The following PML variants were observed in gnomAD, a reference collection of about 807,000 sequenced individuals.
The protein encoded by PML is PML nuclear body scaffold.
In PML, 28 loss-of-function variants were observed where a neutral mutation model predicts 65.2. The observed-to-expected ratio is 0.43, with a 90% CI of 0.32 to 0.59. PML has a LOEUF of 0.59. Among genes scored for constraint, PML ranks in the 20% least tolerant of loss-of-function variants. The pLI is 0.08. For missense variants in PML, 1,021 were observed against 1,203.4 expected, an observed-to-expected ratio of 0.85 and a Z score of 2.24; for synonymous variants, 500 against 508.8, an observed-to-expected ratio of 0.98 and a Z score of 0.23.
chr15:74,035,454 G>A lies in PML; in HGVS notation c.1710+924G>A. ...CTACCTGTTGTACAGAGCACAGAGAGCCATCCGCCTTCGCCATGCCCTCCG... is the reference window on the plus strand; with the variant it reads ...CTACCTGTTGTACAGAGCACAGAGAACCATCCGCCTTCGCCATGCCCTCCG... On this transcript the variant is annotated intron_variant, in intron 7 of 8. Transcript: ENST00000268058. The surrounding 1 kb of genome is among the most constrained non-coding windows in gnomAD (Gnocchi z 4.1). The A allele has an allele frequency of 6.2e-7, 1 of 1,612,404 alleles. No individual in the cohort carries two copies. Among genetic ancestry groups the A allele is most frequent in the Non-Finnish European group, 8.5e-7 (1 of 1,179,996 alleles).
intron 2 of PML, among the ~76,000 whole-genome samples, chr15:74,005,859 C>T (rs1031697732): frequency 1.3e-5 from 2 of 152,124 alleles, no homozygotes; most frequent in Non-Finnish European, 2.9e-5. Context: ...TTGTAGCTAG[C>T]GTGGGCTGGC....
At chr15:74,021,897 A>T (rs1057373349) in intron 2 of PML, among the ~76,000 whole-genome samples, 5 of 152,218 alleles carry the variant, frequency 3.3e-5, no homozygotes, top group African/African-American at 4.8e-5. Flanking sequence ...CACCTAGAGG[A>T]ATGCTCTGAG....
chr15:74,035,938 A>G lies in PML; in HGVS notation c.1710+1408A>G. 1.2e-6 allele frequency: 2 copies of G among 1,614,022 alleles called. No individual in the cohort carries two copies. The highest frequency in any genetic ancestry group is 1.7e-6 in the Non-Finnish European group (2 of 1,180,028). ...ATCAGCCCAGTCCCAGGCGCCCGTC[A>G]AGCAGGCCTCTGAGAGTGCTACCCT... On this transcript the variant is annotated intron_variant, in intron 7 of 8. Transcript: ENST00000268058. This position sits in a 1 kb window ranked among gnomAD's most constrained non-coding sequence, Gnocchi z 4.1.
In PML at chr15:74,045,768, G is replaced by A. The variant is rs576574959; in HGVS notation, c.*760G>A. 2.6e-5 allele frequency: 6 copies of A among 232,894 alleles called. No individual in the cohort carries two copies. The South Asian group carries it at 5.4e-4, about 21-fold the overall frequency. The allele number at this position is 232,894 out of a possible 1,614,324, so 14.4% of individuals were successfully genotyped here. On this transcript the variant is annotated 3_prime_UTR_variant, in exon 9 of 9. Coordinates refer to ENST00000268058, the MANE Select transcript of PML (RefSeq NM_033238.3). ...TCCTGCACTGCCCTCACCCTCAGCC[G>A]TCCCAAGGAGTGCCCAGCACTACTC...
Position 74,045,104 on chromosome 15 carries a change from A to G in PML, c.*96A>G. 2 of 1,129,166 alleles carry G rather than the reference A, an allele frequency of 1.8e-6. No homozygotes were observed. Among genetic ancestry groups the G allele is most frequent in the Non-Finnish European group, 2.5e-6 (2 of 804,498 alleles). The allele number at this position is 1,129,166 out of a possible 1,614,324, so 69.9% of individuals were successfully genotyped here. A position where few individuals can be genotyped will look rare whatever the true frequency, so the allele number is the denominator to read the frequency against. The stretch of plus-strand genomic sequence containing the variant: ...CATCACAGCATTCCCAGGTCCTGGT[A>G]CCCAGCCCTCAGTTGTCATTTGGTT... On this transcript the variant is annotated 3_prime_UTR_variant, in exon 9 of 9. Transcript: ENST00000268058.
intron 6 of PML, chr15:74,033,792 T>C (rs151065539): frequency 1.8e-6 from 1 of 568,606 alleles, no homozygotes; most frequent in East Asian, 2.8e-5. Flanking sequence ...ACCTTAACTC[T>C]GCTCTCTCAG....
At position 74,043,090 on chromosome 15, in the gene PML, A is replaced by G. The variant is rs1188442265; in HGVS notation, c.1812A>G (p.Gln604=). 8 of 1,613,244 alleles carry G rather than the reference A, an allele frequency of 5.0e-6. No homozygotes were observed. The highest frequency in any genetic ancestry group is 1.7e-5 in the Admixed American group (1 of 59,914). ...TGGACGAGAACCTTGCTGACCCCCA[A>G]GCAGAAGACAGACCTCTGGTTTTCT... ...RVLDENLADP[Q]AEDRPLVFFD... Residue 604 remains glutamine (Q), a synonymous_variant, in exon 8 of 9, where the codon CAA becomes CAG. Transcript: ENST00000268058. The surrounding 1 kb of genome is among the most constrained non-coding windows in gnomAD (Gnocchi z 4.3).
intron 1 of PML, among the ~76,000 whole-genome samples, chr15:73,997,412 A>G (rs942969748): frequency 1.3e-5 from 2 of 152,244 alleles, no homozygotes; most frequent in Non-Finnish European, 2.9e-5. Context: ...TGTAGCATGT[A>G]TCAGAATTTC....
At chr15:74,014,591 G>A (rs1471649144) in intron 2 of PML, among the ~76,000 whole-genome samples, 2 of 151,824 alleles carry the variant, frequency 1.3e-5, no homozygotes, top group East Asian at 3.9e-4. Context: ...GTGAAAACCT[G>A]TCTCTACTAA....
chr15:74,047,001 C>T lies in PML; in HGVS notation c.*1993C>T, dbSNP rs571056665. The T allele has an allele frequency of 4.4e-6, 1 of 229,760 alleles. No individual in the cohort carries two copies. The highest frequency in any genetic ancestry group is 6.2e-5 in the East Asian group (1 of 16,144). 14.2% of individuals were successfully genotyped at this position (229,760 alleles called of 1,614,324 possible). The stretch of plus-strand genomic sequence containing the variant: ...CCCCCACATGACAAGTGGGGAGACC[C>T]AGGGTAGGCTTTCCTTTGGATCATC... On this transcript the variant is annotated 3_prime_UTR_variant, in exon 9 of 9. Coordinates refer to ENST00000268058, the MANE Select transcript of PML (RefSeq NM_033238.3).
At chr15:74,020,999 C>T (rs1015189063) in intron 2 of PML, among the ~76,000 whole-genome samples, 1 of 152,204 alleles carries the variant, frequency 6.6e-6, no homozygotes, top group African/African-American at 2.4e-5. Context: ...CCTGCAAAGA[C>T]CCTTTTGCCA....
chr15:74,039,704 T>G (rs2071653689), intron 7 of PML, among the ~76,000 whole-genome samples: 2 of 152,328 alleles, frequency 1.3e-5, no homozygotes, highest in South Asian at 4.1e-4. Context: ...AGTTTTTTCT[T>G]AAAGCTATGA....
chr15:74,006,002 C>T (rs745978561), intron 2 of PML, among the ~76,000 whole-genome samples: 39 of 152,168 alleles, frequency 2.6e-4, no homozygotes, highest in Non-Finnish European at 4.7e-4. Context: ...AGGTGGATTT[C>T]TCTCCATTAG....
At chr15:74,030,705 G>A (rs1261720036) in intron 4 of PML, among the ~76,000 whole-genome samples, 1 of 151,944 alleles carries the variant, frequency 6.6e-6, no homozygotes, top group Non-Finnish European at 1.5e-5. Flanking sequence ...TCAGGCCAGG[G>A]GTCCCGAGGT....
intron 2 of PML, among the ~76,000 whole-genome samples, chr15:74,006,970 C>T (rs1170013631): frequency 2.0e-5 from 3 of 152,202 alleles, no homozygotes; most frequent in Admixed American, 6.5e-5. Flanking sequence ...GGCATCCACC[C>T]TCATGACCCA....
At chr15:74,018,535 A>G (rs746887819) in intron 2 of PML, among the ~76,000 whole-genome samples, 7 of 151,966 alleles carry the variant, frequency 4.6e-5, no homozygotes, top group Non-Finnish European at 1.0e-4. Context: ...TTTTTTAGAG[A>G]TGGAGTTCTT....
chr15:74,013,548 G>A (rs1051784782), intron 2 of PML, among the ~76,000 whole-genome samples: 3 of 152,154 alleles, frequency 2.0e-5, no homozygotes, highest in African/African-American at 7.2e-5. Flanking sequence ...ACAAATTCCT[G>A]CTGTGGCATA....
chr15:74,008,670 C>T (rs1047951582), intron 2 of PML, among the ~76,000 whole-genome samples: 13 of 149,818 alleles, frequency 8.7e-5, no homozygotes, highest in Non-Finnish European at 1.3e-4. Context: ...ACCCAGGAGG[C>T]GGAGCTTGCA....
chr15:74,016,345 A>G (rs2070573292), intron 2 of PML, among the ~76,000 whole-genome samples: 1 of 152,138 alleles, frequency 6.6e-6, no homozygotes, highest in African/African-American at 2.4e-5. Flanking sequence ...AGGTGAGAAG[A>G]TCACATGAGC....
Sources: gnomAD v4.1 joint callset for allele counts (sites outside exome capture counted in the v4.1 genomes callset) on GRCh38, gnomAD v4.1.1 for gene constraint, Gnocchi (gnomAD v3.1) non-coding constraint, MANE v1.5 for transcripts, NCBI Gene and HGNC (gene_info 2026-07-23, HGNC 2026-07-21) for gene names.